Variants in FYB1 observed in about 807,000 individuals in gnomAD.
FYB1 encodes the protein FYN binding protein 1.
A neutral mutation model predicts 94.1 loss-of-function variants in FYB1; 41 were observed. The ratio of observed to expected loss-of-function variants is 0.44; its 90% confidence interval spans 0.34 to 0.57. FYB1 has a LOEUF of 0.57. Ranked by LOEUF, FYB1 falls within the 20% of genes least tolerant of loss-of-function variation. The probability of loss-of-function intolerance (pLI) is 0.02; values close to 1 mark genes in which losing one functional copy is unlikely to be tolerated. For synonymous variants in FYB1, 367 were observed against 353.2 expected, an observed-to-expected ratio of 1.04 and a Z score of -0.44; for missense variants, 1,050 against 976.8, an observed-to-expected ratio of 1.07 and a Z score of -1.00.
chr5:39,251,951 T>C (rs745626105), intron 1 of FYB1, among the ~76,000 whole-genome samples: 2 of 152,100 alleles, frequency 1.3e-5, no homozygotes, highest in Non-Finnish European at 2.9e-5. Context: ...AAGACCATCC[T>C]GGCTAACACG....
At chr5:39,115,961 T>C (rs1739525277) in intron 16 of FYB1, among the ~76,000 whole-genome samples, 1 of 152,182 alleles carries the variant, frequency 6.6e-6, no homozygotes, top group Admixed American at 6.6e-5. Flanking sequence ...TGGAACTCTG[T>C]CAGCTTGCTG....
chr5:39,108,283 T>G (rs1191944638), intron 17 of FYB1, 21 bp from the exon 18 acceptor site: 2 of 1,515,322 alleles, frequency 1.3e-6, no homozygotes, highest in Non-Finnish European at 1.8e-6. Context: ...AAAAAAAAAT[T>G]TTTATTTTAA....
intron 1 of FYB1, among the ~76,000 whole-genome samples, chr5:39,258,685 G>C (rs1245909551): frequency 1.3e-5 from 2 of 152,140 alleles, no homozygotes; most frequent in Admixed American, 1.3e-4. Context: ...AAAAGAGATG[G>C]AGGAGAGCAA....
In FYB1 at chr5:39,273,907, A is replaced by G. The variant is rs181559427; in HGVS notation, c.-28+496T>C. ...ATGATCATTACTGAGAAGCATCGTC[A>G]GTGTTTTATCTATTATGCTTTTTTT... On this transcript the variant is annotated intron_variant, in intron 1 of 1. Transcript: ENST00000510188. Among the ~76,000 whole-genome samples the G allele has an allele frequency of 9.7e-4, 148 of 152,140 alleles. 3 individuals carry two copies. The highest frequency in any genetic ancestry group is 3.4e-3 in the African/African-American group (140 of 41,500).
intron 1 of FYB1, among the ~76,000 whole-genome samples, chr5:39,257,416 ATTTT>A (rs11357799): frequency 8.2e-5 from 12 of 145,520 alleles, no homozygotes; most frequent in African/African-American, 1.3e-4. Context: ...GTCTTGCAGA[ATTTT>A]TTTTTTTTTT....
intron 4 of FYB1, 91 bp from the exon 5 acceptor site, chr5:39,139,343 A>G: frequency 9.3e-7 from 1 of 1,070,698 alleles, no homozygotes; most frequent in Non-Finnish European, 1.3e-6. Context: ...AATATTCAAA[A>G]TAGTTCATAA....
intron 2 of FYB1, among the ~76,000 whole-genome samples, chr5:39,158,815 T>C (rs933361610): frequency 1.3e-5 from 2 of 152,174 alleles, no homozygotes; most frequent in Non-Finnish European, 2.9e-5. Context: ...AAAGACGTTA[T>C]ACCATATTGC....
In FYB1 at chr5:39,139,068, T is replaced by C. The variant is rs1741914821; in HGVS notation, c.1359+165A>G. The C allele has an allele frequency of 4.1e-6, 3 of 736,614 alleles. No homozygotes were observed. The East Asian group carries it at 8.9e-5, about 22-fold the overall frequency. The allele number at this position is 736,614 out of a possible 1,614,324, so 45.6% of individuals were successfully genotyped here. A position where few individuals can be genotyped will look rare whatever the true frequency, so the allele number is the denominator to read the frequency against. On this transcript the variant is annotated intron_variant, in intron 5 of 18. Coordinates refer to ENST00000512982, the MANE Select transcript of FYB1 (RefSeq NM_001465.6). ...TAATGAGTCAGTGTGATGACTAGTG[T>C]GTAACATCTTAAGCATTTTAGATGA...
chr5:39,127,707 A>C, intron 11 of FYB1, 34 bp downstream of exon 11: 1 of 1,560,164 alleles, frequency 6.4e-7, no homozygotes. Flanking sequence ...TATATATAAT[A>C]ATTTGCAAAA....
intron 1 of FYB1, among the ~76,000 whole-genome samples, chr5:39,241,487 T>A (rs1374800485): frequency 2.6e-5 from 4 of 152,124 alleles, no homozygotes; most frequent in African/African-American, 9.7e-5. Context: ...TGTATGTGCA[T>A]CTCCACTTTT....
At chr5:39,218,596 C>A (rs752071031) in intron 1 of FYB1, among the ~76,000 whole-genome samples, 63 of 151,882 alleles carry the variant, frequency 4.1e-4, no homozygotes, top group Admixed American at 9.2e-4. Context: ...TAGTTTTATC[C>A]CCTCAACAAC....
chr5:39,228,842 T>C (rs1041537970), intron 1 of FYB1, among the ~76,000 whole-genome samples: 3 of 152,242 alleles, frequency 2.0e-5, no homozygotes, highest in Non-Finnish European at 4.4e-5. Context: ...TTTTTGGTTC[T>C]GAGAGCTAAT....
At chr5:39,205,209 A>G (rs932856139) in intron 1 of FYB1, among the ~76,000 whole-genome samples, 1 of 152,240 alleles carries the variant, frequency 6.6e-6, no homozygotes, top group Non-Finnish European at 1.5e-5. Flanking sequence ...TATAATGTAT[A>G]TCCCAGATTT....
At chr5:39,125,852 C>T (rs550017101) in intron 12 of FYB1, 146 bp downstream of exon 12, 22 of 714,056 alleles carry the variant, frequency 3.1e-5, no homozygotes, top group South Asian at 8.7e-5. Flanking sequence ...ACACCATAAA[C>T]GGGGCTAAGA....
At chr5:39,167,006 A>T (rs1007224752) in intron 2 of FYB1, among the ~76,000 whole-genome samples, 2 of 152,214 alleles carry the variant, frequency 1.3e-5, no homozygotes, top group African/African-American at 4.8e-5. Flanking sequence ...GCACATAAAC[A>T]TAAGATGATA....
chr5:39,202,405 C>A lies in FYB1; in HGVS notation c.556G>T (p.Asp186Tyr). 6.2e-7 allele frequency: 1 copy of A among 1,613,904 alleles called. No homozygotes were observed. Among genetic ancestry groups the A allele is most frequent in the Non-Finnish European group, 8.5e-7 (1 of 1,179,874 alleles). ...VKGKFMSASQ[D>Y]LEPKPLFPKP... ...GGGAAGAGGGGCTTGGGTTCAAGAT[C>A]TTGTGATGCTGACATAAATTTCCCT... Residue 186 changes from aspartate (D) to tyrosine (Y), a missense_variant, in exon 2 of 19, where the codon GAT (aspartate) becomes TAT (tyrosine). Asp to Tyr is a radical substitution (Grantham distance 160). Coordinates refer to ENST00000512982, the MANE Select transcript of FYB1 (RefSeq NM_001465.6).
intron 2 of FYB1, among the ~76,000 whole-genome samples, chr5:39,190,629 A>G (rs1747268516): frequency 6.6e-6 from 1 of 152,236 alleles, no homozygotes; most frequent in Admixed American, 6.5e-5. Flanking sequence ...TGCTTGTTAA[A>G]TGGCTTGTAT....
In FYB1 at chr5:39,151,899, C is replaced by T. The variant is rs189726390; in HGVS notation, c.1292+1549G>A. 9.8e-5 allele frequency among the ~76,000 whole-genome samples: 15 copies of T among 152,302 alleles called. No homozygotes were observed. In the East Asian group the frequency reaches 2.3e-3, roughly 24 times the overall value. On this transcript the variant is annotated intron_variant, in intron 3 of 18. Transcript: ENST00000512982. ...TCACAATTCTTCTTACAGACTACCC[C>T]ATACATTGCCCCTTCATGTGAAATA... is the stretch of plus-strand genomic sequence containing the variant.
At chr5:39,265,535 T>C (rs1037281783) in intron 1 of FYB1, among the ~76,000 whole-genome samples, 4 of 143,226 alleles carry the variant, frequency 2.8e-5, no homozygotes, top group Admixed American at 2.7e-4. Context: ...TGGGCACCTG[T>C]AATCCCAGCT....
Sources: allele counts gnomAD v4.1 joint callset (sites outside exome capture counted in the v4.1 genomes callset), GRCh38; gene constraint gnomAD v4.1.1; transcripts MANE v1.5; gene names NCBI Gene and HGNC (gene_info 2026-07-23, HGNC 2026-07-21).